Variants in CDKAL1 observed in about 807,000 individuals in gnomAD.
CDKAL1 encodes the protein CDKAL1 threonylcarbamoyladenosine tRNA methylthiotransferase, also known as threonylcarbamoyladenosine tRNA methylthiotransferase.
A neutral mutation model predicts 68.2 loss-of-function variants in CDKAL1; 32 were observed. The ratio of observed to expected loss-of-function variants is 0.47; its 90% CI spans 0.35 to 0.63. The LOEUF is 0.63. Ranked by LOEUF, CDKAL1 falls within the 30% of genes least tolerant of loss-of-function variation. CDKAL1 has a pLI of 0.00. For missense variants in CDKAL1, 606 were observed against 696.7 expected (o/e 0.87, Z 1.47); for synonymous variants, 234 against 244.3 (o/e 0.96, Z 0.39).
chr6:20,686,145 A>G (rs1436470490), intron 5 of CDKAL1, among the ~76,000 whole-genome samples: 3 of 151,886 alleles, frequency 2.0e-5, no homozygotes, highest in Admixed American at 6.6e-5. Context: ...TCATCTGCGA[A>G]CAAAGACAGT....
At chr6:20,901,666 G>A (rs184394667) in intron 9 of CDKAL1, among the ~76,000 whole-genome samples, 1 of 117,470 alleles carries the variant, frequency 8.5e-6, no homozygotes, top group African/African-American at 3.3e-5. Flanking sequence ...GGGCAAGAGT[G>A]CGAGACTCCA....
At chr6:21,129,655 A>G (rs1001726463) in intron 13 of CDKAL1, among the ~76,000 whole-genome samples, 3 of 141,580 alleles carry the variant, frequency 2.1e-5, no homozygotes, top group African/African-American at 2.6e-5. Context: ...GTCTTATAGG[A>G]GACTATACAT....
chr6:20,609,080 A>C (rs1439337869), intron 4 of CDKAL1, among the ~76,000 whole-genome samples: 1 of 152,222 alleles, frequency 6.6e-6, no homozygotes, highest in Non-Finnish European at 1.5e-5. Context: ...TTTGGACTGC[A>C]CATATGGGAA....
Position 21,102,483 on chromosome 6 carries a change from C to T in CDKAL1, c.1237-5918C>T, listed in dbSNP as rs546970529. 1.5e-3 allele frequency among the ~76,000 whole-genome samples: 226 copies of T among 152,288 alleles called. No homozygotes were observed. In the Middle Eastern group the frequency reaches 0.024, roughly 16 times the overall value. On this transcript the variant is annotated intron_variant, in intron 12 of 15. Transcript: ENST00000274695. The stretch of plus-strand genomic sequence containing the variant: ...TTTCCTATCCCTGACTTCAGTGTCC[C>T]TTATTGCATCTTAGTAAGCCCTTGT...
chr6:20,710,022 A>C (rs73377338), intron 5 of CDKAL1, among the ~76,000 whole-genome samples: 1,736 of 152,294 alleles, frequency 0.011, 31 homozygotes, highest in African/African-American at 0.035. Flanking sequence ...CACTTGCAGA[A>C]AATCCCATAT....
intron 4 of CDKAL1, among the ~76,000 whole-genome samples, chr6:20,630,754 C>T (rs1767641020): frequency 6.6e-6 from 1 of 152,136 alleles, no homozygotes; most frequent in Non-Finnish European, 1.5e-5. Context: ...CCTGTAGAGC[C>T]AAAGATCCAT....
chr6:21,010,337 A>T (rs1548145), intron 11 of CDKAL1, among the ~76,000 whole-genome samples: 7,645 of 152,310 alleles, frequency 0.05, 352 homozygotes, highest in East Asian at 0.18. Flanking sequence ...GCTATTATCC[A>T]TTCTAAACTA....
At chr6:20,916,079 G>T (rs1223148381) in intron 9 of CDKAL1, among the ~76,000 whole-genome samples, 1 of 152,182 alleles carries the variant, frequency 6.6e-6, no homozygotes, top group African/African-American at 2.4e-5. Flanking sequence ...TTTTGGGGTA[G>T]TGATGGAGCA....
intron 15 of CDKAL1, among the ~76,000 whole-genome samples, chr6:21,211,490 G>GTTT (rs1779145772): frequency 6.6e-6 from 1 of 152,156 alleles, no homozygotes; most frequent in Non-Finnish European, 1.5e-5. Flanking sequence ...TTTAGAGTCA[G>GTTT]GTAGTTGTCT....
At chr6:20,660,116 G>A (rs571846145) in intron 5 of CDKAL1, among the ~76,000 whole-genome samples, 3 of 152,210 alleles carry the variant, frequency 2.0e-5, no homozygotes, top group South Asian at 2.1e-4. Flanking sequence ...CACCTGTGGG[G>A]TCATCGCCCT....
chr6:20,882,198 TG>T (rs1243776900), intron 9 of CDKAL1, among the ~76,000 whole-genome samples: 1 of 152,186 alleles, frequency 6.6e-6, no homozygotes, highest in Non-Finnish European at 1.5e-5. Context: ...TCCCTGCACC[TG>T]GAGGGGGAAG....
In CDKAL1 at chr6:21,053,169, T is replaced by G. The variant is rs949392648; in HGVS notation, c.1056-11879T>G. 1.6e-4 allele frequency among the ~76,000 whole-genome samples: 25 copies of G among 152,336 alleles called. 1 individual carries two copies. The highest frequency in any genetic ancestry group is 1.6e-3 in the Admixed American group (24 of 15,300). ...TACTCACAGTTCCAGACAAGACTGA[T>G]TTGCTTTCTGTCTATTCTAAGTCGT... On this transcript the variant is annotated intron_variant, in intron 11 of 15. Coordinates refer to ENST00000274695, the MANE Select transcript of CDKAL1 (RefSeq NM_017774.3).
At chr6:21,067,020 C>G (rs941762935) in intron 12 of CDKAL1, among the ~76,000 whole-genome samples, 5 of 152,202 alleles carry the variant, frequency 3.3e-5, no homozygotes, top group African/African-American at 9.7e-5. Context: ...ATAGTTCAAT[C>G]TATTCTTTTT....
chr6:20,622,837 G>A (rs1241588903), intron 4 of CDKAL1, among the ~76,000 whole-genome samples: 1 of 151,792 alleles, frequency 6.6e-6, no homozygotes, highest in African/African-American at 2.4e-5. Context: ...ATATCTAGTT[G>A]CTATCTTTGC....
intron 12 of CDKAL1, among the ~76,000 whole-genome samples, chr6:21,066,870 C>A (rs1281404886): frequency 2.6e-5 from 4 of 152,126 alleles, no homozygotes; most frequent in Non-Finnish European, 1.5e-5. Flanking sequence ...AAGCGATCCT[C>A]CCATGTTGGT....
At chr6:21,158,012 C>T (rs1175666995) in intron 13 of CDKAL1, among the ~76,000 whole-genome samples, 2 of 152,226 alleles carry the variant, frequency 1.3e-5, no homozygotes, top group African/African-American at 4.8e-5. Flanking sequence ...AGATTCTTCA[C>T]ATGCATTTGT....
At chr6:21,072,848 A>G (rs531303481) in intron 12 of CDKAL1, among the ~76,000 whole-genome samples, 1 of 152,276 alleles carries the variant, frequency 6.6e-6, no homozygotes, top group African/African-American at 2.4e-5. Flanking sequence ...TTTCACCCAA[A>G]GTCCATAGTT....
At chr6:20,955,337 C>A in intron 9 of CDKAL1, 82 bp from the exon 10 acceptor site, 2 of 1,360,418 alleles carry the variant, frequency 1.5e-6, no homozygotes, top group African/African-American at 1.4e-5. Context: ...TTGAGAAATA[C>A]TGCATTAAAA....
At chr6:20,799,634 T>C (rs971674426) in intron 8 of CDKAL1, 1 of 152,222 alleles carries the variant, frequency 6.6e-6, no homozygotes, top group Non-Finnish European at 1.5e-5. Flanking sequence ...TCTCCATTTG[T>C]TGATCAGAAG....
Sources: gnomAD v4.1 joint callset for allele counts (sites outside exome capture counted in the v4.1 genomes callset) on GRCh38, gnomAD v4.1.1 for gene constraint, MANE v1.5 for transcripts, NCBI Gene and HGNC (gene_info 2026-07-23, HGNC 2026-07-21) for gene names.